Variants in SLC4A4 observed in about 807,000 individuals in gnomAD.
SLC4A4 encodes solute carrier family 4 member 4, also known as electrogenic sodium bicarbonate cotransporter 1.
SLC4A4 carries 27 observed loss-of-function variants against 111.5 expected under a neutral mutation model. That is an observed-to-expected ratio of 0.24 (90% CI 0.18 to 0.33). The LOEUF is 0.33. SLC4A4 is among the 10% of genes least tolerant of loss of function. The probability of loss-of-function intolerance (pLI) is 1.00; values close to 1 mark genes in which losing one functional copy is unlikely to be tolerated. For missense variants in SLC4A4, 909 were observed against 1,315.5 expected (o/e 0.69, Z 4.78); for synonymous variants, 443 against 463.4 (o/e 0.96, Z 0.57).
chr4:71,386,698 T>C (rs1477394291), intron 6 of SLC4A4, among the ~76,000 whole-genome samples: 1 of 152,178 alleles, frequency 6.6e-6, no homozygotes, highest in East Asian at 1.9e-4. Context: ...TCTTCATGTT[T>C]TGTGGATACA....
intron 3 of SLC4A4, among the ~76,000 whole-genome samples, chr4:71,329,623 A>G (rs901722358): frequency 2.0e-5 from 3 of 151,994 alleles, no homozygotes; most frequent in African/African-American, 7.2e-5. Flanking sequence ...CAGATTGTTC[A>G]CTGCTGGCAT....
At chr4:71,231,142 A>C (rs942092839) in intron 1 of SLC4A4, among the ~76,000 whole-genome samples, 2 of 152,230 alleles carry the variant, frequency 1.3e-5, no homozygotes, top group African/African-American at 4.8e-5. Flanking sequence ...TCTAAAGGCT[A>C]GCACACTCCA....
intron 3 of SLC4A4, among the ~76,000 whole-genome samples, chr4:71,313,716 T>C (rs1407311225): frequency 6.6e-6 from 1 of 152,142 alleles, no homozygotes; most frequent in Non-Finnish European, 1.5e-5. Context: ...TGGCTAGCCA[T>C]ATGAAGAAAA....
chr4:71,486,805 T>C, intron 14 of SLC4A4, 143 bp from the exon 15 acceptor site: 1 of 546,852 alleles, frequency 1.8e-6, no homozygotes, highest in Non-Finnish European at 3.3e-6. Context: ...ACATTTATAA[T>C]AAATAAAAAT....
chr4:71,260,233 G>T (rs1721755215), intron 3 of SLC4A4, among the ~76,000 whole-genome samples: 1 of 152,118 alleles, frequency 6.6e-6, no homozygotes, highest in South Asian at 2.1e-4. Context: ...TTTCATAAGA[G>T]CCAAGAATAT....
At chr4:71,086,726 G>T (rs1340345297) in intron 1 of SLC4A4, among the ~76,000 whole-genome samples, 1 of 151,980 alleles carries the variant, frequency 6.6e-6, no homozygotes. Flanking sequence ...TGCATATGTT[G>T]AACCAGCCTT....
intron 16 of SLC4A4, among the ~76,000 whole-genome samples, chr4:71,529,997 C>G (rs74823098): frequency 1.1e-3 from 175 of 152,212 alleles, no homozygotes; most frequent in African/African-American, 4.0e-3. Context: ...CCCTGAACTG[C>G]CAGTGTCAAC....
At chr4:71,422,858 A>T (rs1028477085) in intron 7 of SLC4A4, among the ~76,000 whole-genome samples, 3 of 152,228 alleles carry the variant, frequency 2.0e-5, no homozygotes, top group African/African-American at 7.2e-5. Context: ...AGAGCTATCT[A>T]TGACAAACCC....
chr4:71,238,360 A>T (rs1337633090), intron 2 of SLC4A4, among the ~76,000 whole-genome samples: 1 of 151,878 alleles, frequency 6.6e-6, no homozygotes, highest in Non-Finnish European at 1.5e-5. Context: ...CTTGATTTTC[A>T]AGCACAAAAT....
intron 7 of SLC4A4, among the ~76,000 whole-genome samples, chr4:71,430,932 T>A (rs1476856435): frequency 6.6e-6 from 1 of 152,170 alleles, no homozygotes; most frequent in Non-Finnish European, 1.5e-5. Context: ...ATTGGCTATA[T>A]CTAGGTCTTT....
chr4:71,360,930 A>C (rs1272997952), intron 6 of SLC4A4, among the ~76,000 whole-genome samples: 7 of 152,156 alleles, frequency 4.6e-5, no homozygotes, highest in Non-Finnish European at 1.0e-4. Context: ...TTGAGCAAAA[A>C]GGAAAAAAAG....
At chr4:71,174,664 C>T (rs1745036961) in intron 2 of SLC4A4, among the ~76,000 whole-genome samples, 1 of 152,128 alleles carries the variant, frequency 6.6e-6, no homozygotes, top group Non-Finnish European at 1.5e-5. Context: ...TTTTTACTGC[C>T]ACTCCACCTA....
At chr4:71,522,390 C>A (rs937582012) in intron 16 of SLC4A4, among the ~76,000 whole-genome samples, 1 of 152,160 alleles carries the variant, frequency 6.6e-6, no homozygotes, top group Admixed American at 6.5e-5. Context: ...GATGCCATCA[C>A]GCACCTTATG....
chr4:71,233,723 A>G (rs887391672), intron 1 of SLC4A4, among the ~76,000 whole-genome samples: 7 of 152,302 alleles, frequency 4.6e-5, no homozygotes, highest in African/African-American at 1.7e-4. Flanking sequence ...GTGGCTAAAT[A>G]GAACTCTTGA....
rs538963114 is a variant in SLC4A4, at chr4:71,314,942, TAAAC to T, written c.254-24426_254-24423del. ...GAACTTAAAGTAAAATAAAATAAAA[TAAAC>T]AGTTTGTGAATTTATCAATAACCTG... On this transcript the variant is annotated intron_variant, in intron 3 of 25. Transcript: ENST00000264485. Among the ~76,000 whole-genome samples, 345 of 152,048 alleles carry T rather than the reference TAAAC, an allele frequency of 2.3e-3. 1 individual carries two copies. Among genetic ancestry groups the T allele is most frequent in the African/African-American group, 8.0e-3 (333 of 41,436 alleles).
intron 12 of SLC4A4, among the ~76,000 whole-genome samples, chr4:71,457,303 A>G (rs537398332): frequency 1.3e-5 from 2 of 152,336 alleles, no homozygotes; most frequent in East Asian, 1.9e-4. Context: ...ACAATCATAC[A>G]GTTATAATGC....
rs549598330 is a variant in SLC4A4, at chr4:71,237,217, A to G, written c.73+568A>G. Reference sequence around the variant, plus strand: ...CTGATGTTTCCTAGTGCCTGTTAAAAACTAAAGAAGAGTTATGTTTTACCT... The same window carrying G: ...CTGATGTTTCCTAGTGCCTGTTAAAGACTAAAGAAGAGTTATGTTTTACCT... On this transcript the variant is annotated intron_variant, in intron 2 of 25. Transcript: ENST00000264485. Among the ~76,000 whole-genome samples the G allele has an allele frequency of 5.3e-5, 8 of 152,342 alleles. No homozygotes were observed. The South Asian group carries it at 1.5e-3, about 28-fold the overall frequency.
intron 1 of SLC4A4, among the ~76,000 whole-genome samples, chr4:71,194,123 A>G (rs1357274708): frequency 6.6e-6 from 1 of 152,210 alleles, no homozygotes; most frequent in Non-Finnish European, 1.5e-5. Flanking sequence ...GAAGGTATGA[A>G]TTGAACATCT....
chr4:71,498,932 G>A (rs1240969375), intron 16 of SLC4A4, among the ~76,000 whole-genome samples: 1 of 152,134 alleles, frequency 6.6e-6, no homozygotes, highest in East Asian at 1.9e-4. Flanking sequence ...CCAGCTCTGT[G>A]TTGTCTAAGA....
Sources: gnomAD v4.1 joint callset for allele counts (sites outside exome capture counted in the v4.1 genomes callset) on GRCh38, gnomAD v4.1.1 for gene constraint, MANE v1.5 for transcripts, NCBI Gene and HGNC (gene_info 2026-07-23, HGNC 2026-07-21) for gene names.